The following TFCP2 variants were observed in gnomAD, a reference collection of about 807,000 sequenced individuals.
The protein encoded by TFCP2 is alpha-globin transcription factor CP2.
In TFCP2, 33 loss-of-function variants were observed where a neutral mutation model predicts 73.4. That is an observed-to-expected ratio of 0.45 (90% CI 0.34 to 0.60). TFCP2 has a LOEUF of 0.60. Among genes scored for constraint, TFCP2 ranks in the 20% least tolerant of loss-of-function variants. The pLI is 0.01. For synonymous variants in TFCP2, 193 were observed against 211.6 expected (o/e 0.91, Z 0.76); for missense variants, 352 against 604.0 (o/e 0.58, Z 4.37).
At chr12:51,095,432 A>T (rs1939933490) in intron 14 of TFCP2, among the ~76,000 whole-genome samples, 154 bp from the exon 15 acceptor site, 1 of 152,148 alleles carries the variant, frequency 6.6e-6, no homozygotes, top group Non-Finnish European at 1.5e-5. Context: ...CAGCTTGGGC[A>T]ACAAGAGCGA....
In TFCP2 at chr12:51,117,265, CCTAA is replaced by C. The variant is rs1175553327; in HGVS notation, c.351+402_351+405del. 2.6e-5 allele frequency among the ~76,000 whole-genome samples: 4 copies of C among 152,318 alleles called. No individual in the cohort carries two copies. The East Asian group carries it at 5.8e-4, about 22-fold the overall frequency. On this transcript the variant is annotated intron_variant, in intron 3 of 14. Transcript: ENST00000257915. ...CAACTGTGCTGTGAATTATCAAAATCCTAACTGTTAATCTAGACTAAGAGAACTG... is the reference window on the plus strand; with the variant it reads ...CAACTGTGCTGTGAATTATCAAAATCCTGTTAATCTAGACTAAGAGAACTG...
chr12:51,139,518 T>C (rs898372922), intron 1 of TFCP2, among the ~76,000 whole-genome samples: 1 of 152,018 alleles, frequency 6.6e-6, no homozygotes, highest in African/African-American at 2.4e-5. Context: ...GCTAGGACTA[T>C]AGGCACACAC....
intron 3 of TFCP2, among the ~76,000 whole-genome samples, chr12:51,117,101 C>T (rs577299801): frequency 5.9e-5 from 9 of 152,142 alleles, no homozygotes; most frequent in African/African-American, 2.2e-4. Context: ...CCAACTCCCC[C>T]GCTTGCTAAC....
intron 1 of TFCP2, among the ~76,000 whole-genome samples, chr12:51,144,229 T>C (rs1418028662): frequency 6.6e-6 from 1 of 152,130 alleles, no homozygotes; most frequent in East Asian, 1.9e-4. Context: ...AGATAGGGTC[T>C]GTTTATGTTG....
chr12:51,127,989 G>A (rs1392210818), intron 1 of TFCP2, among the ~76,000 whole-genome samples: 1 of 151,078 alleles, frequency 6.6e-6, no homozygotes, highest in Admixed American at 6.6e-5. Context: ...GTGCGATCTC[G>A]GCTCACCGCA....
At chr12:51,164,369 CG>C (rs1236180565) in intron 1 of TFCP2, among the ~76,000 whole-genome samples, 1 of 152,070 alleles carries the variant, frequency 6.6e-6, no homozygotes, top group African/African-American at 2.4e-5. Context: ...GAGGCCGAGG[CG>C]GGCAGATCAC....
intron 10 of TFCP2, 79 bp from the exon 11 acceptor site, chr12:51,102,104 A>AT: frequency 1.0e-6 from 1 of 965,678 alleles, no homozygotes; most frequent in Admixed American, 1.9e-5. Flanking sequence ...CTGTATTATA[A>AT]GGACACCTCA....
Position 51,104,317 on chromosome 12 carries a change from T to A in TFCP2, c.918-114A>T, listed in dbSNP as rs1004617766. ...CTAGAGATTAAAAAAAAATCTGTGC[T>A]CTCTCATAACACATTCTTATTCTTT... On this transcript the variant is annotated intron_variant, in intron 8 of 14. Coordinates refer to ENST00000257915, the MANE Select transcript of TFCP2 (RefSeq NM_005653.5). 3 of 861,680 alleles carry A rather than the reference T, an allele frequency of 3.5e-6. No homozygotes were observed. The Admixed American group carries it at 7.9e-5, about 23-fold the overall frequency. The allele number at this position is 861,680 out of a possible 1,614,324, so 53.4% of individuals were successfully genotyped here.
intron 1 of TFCP2, among the ~76,000 whole-genome samples, chr12:51,143,150 C>A (rs1422408820): frequency 6.6e-6 from 1 of 151,842 alleles, no homozygotes; most frequent in African/African-American, 2.4e-5. Flanking sequence ...ATTTAAGTAT[C>A]TCTTTATTCT....
At chr12:51,159,953 ACCAT>A (rs1203345160) in intron 1 of TFCP2, among the ~76,000 whole-genome samples, 3 of 152,172 alleles carry the variant, frequency 2.0e-5, no homozygotes. Context: ...ACCAAAATTT[ACCAT>A]CCAGGATTGG....
chr12:51,103,628 A>G (rs1175678727), intron 10 of TFCP2, 42 bp downstream of exon 10: 1 of 1,561,228 alleles, frequency 6.4e-7, no homozygotes, highest in South Asian at 1.1e-5. Context: ...ATGCAAAGGA[A>G]AATTTCATGC....
chr12:51,124,672 T>C (rs747175556), intron 1 of TFCP2: 1 of 612,138 alleles, frequency 1.6e-6, no homozygotes, highest in South Asian at 1.5e-5. Flanking sequence ...CACAGCTCCA[T>C]CAGGCCGTCC....
At chr12:51,116,283 CA>C in intron 4 of TFCP2, 31 bp downstream of exon 4, 1 of 1,298,800 alleles carries the variant, frequency 7.7e-7, no homozygotes, top group Non-Finnish European at 1.1e-6. Flanking sequence ...TAGCTAAAGG[CA>C]TTTCCTAGGC....
At chr12:51,122,253 C>CTTTTTTTTTTT (rs11347975) in intron 1 of TFCP2, among the ~76,000 whole-genome samples, 2 of 73,180 alleles carry the variant, frequency 2.7e-5, no homozygotes, top group African/African-American at 5.7e-5. Context: ...TTTTTCTTTT[C>CTTTTTTTTTTT]TTTTTTTTTT....
intron 1 of TFCP2, among the ~76,000 whole-genome samples, chr12:51,135,201 C>T (rs1337857895): frequency 5.9e-5 from 9 of 151,588 alleles, no homozygotes; most frequent in Admixed American, 2.0e-4. Context: ...CCGAGGCGGG[C>T]GGATCACTTG....
chr12:51,123,228 A>G (rs933499560), intron 1 of TFCP2, among the ~76,000 whole-genome samples: 1 of 152,254 alleles, frequency 6.6e-6, no homozygotes, highest in African/African-American at 2.4e-5. Context: ...ACAAGACTGT[A>G]TTTCCTCATC....
At chr12:51,102,066 T>G in intron 10 of TFCP2, 41 bp from the exon 11 acceptor site, 3 of 1,355,916 alleles carry the variant, frequency 2.2e-6, no homozygotes, top group Non-Finnish European at 3.2e-6. Flanking sequence ...AGGCAAAGAT[T>G]CTCTTTGTTA....
chr12:51,150,772 T>C (rs1335618643), intron 1 of TFCP2, among the ~76,000 whole-genome samples: 3 of 152,250 alleles, frequency 2.0e-5, no homozygotes, highest in Non-Finnish European at 4.4e-5. Flanking sequence ...CCTCAGGAAC[T>C]GCTATAGTAC....
At chr12:51,170,240 C>G (rs1014201313) in intron 1 of TFCP2, among the ~76,000 whole-genome samples, 3 of 152,070 alleles carry the variant, frequency 2.0e-5, no homozygotes, top group Non-Finnish European at 4.4e-5. Context: ...ACTAAGAACA[C>G]TGCATGATAG....
Sources: gnomAD v4.1 joint callset for allele counts (sites outside exome capture counted in the v4.1 genomes callset) on GRCh38, gnomAD v4.1.1 for gene constraint, MANE v1.5 for transcripts, NCBI Gene and HGNC (gene_info 2026-07-23, HGNC 2026-07-21) for gene names.